Variants in TLR1 observed in about 807,000 individuals in gnomAD.
The protein encoded by TLR1 is toll like receptor 1.
In TLR1, 19 loss-of-function variants were observed where a neutral mutation model predicts 20.2. That is an observed-to-expected ratio of 0.94 (90% confidence interval 0.66 to 1.38). The LOEUF (loss-of-function observed/expected upper bound fraction) is 1.38, where lower values mean the gene tolerates loss of function less well. TLR1 is among the 40% of genes most tolerant of loss of function. The probability of loss-of-function intolerance (pLI) is 0.00; values close to 1 mark genes in which losing one functional copy is unlikely to be tolerated. For synonymous variants in TLR1, 320 were observed against 334.5 expected, an observed-to-expected ratio of 0.96 and a Z score of 0.47; for missense variants, 921 against 910.0, an observed-to-expected ratio of 1.01 and a Z score of -0.16.
At chr4:38,801,310 G>A (rs1726624942) in intron 2 of TLR1, among the ~76,000 whole-genome samples, 1 of 152,144 alleles carries the variant, frequency 6.6e-6, no homozygotes, top group African/African-American at 2.4e-5. Flanking sequence ...ACAAGAAGGA[G>A]GCATCCGCAA....
At chr4:38,804,231 A>G (rs1357462726) in intron 2 of TLR1, 75 bp downstream of exon 2, 1 of 152,254 alleles carries the variant, frequency 6.6e-6, no homozygotes, top group African/African-American at 2.4e-5. Context: ...CTAGCTCCCC[A>G]GAACAGTGTT....
intron 1 of TLR1, 31 bp downstream of exon 1, chr4:38,804,723 C>A (rs1370097675): frequency 6.6e-6 from 1 of 152,172 alleles, no homozygotes; most frequent in East Asian, 1.9e-4. Context: ...CAATTATTTT[C>A]TTTTACAAAA....
At chr4:38,804,921 A>T (rs969014796), upstream of TLR1, 4 of 152,236 alleles carry the variant, frequency 2.6e-5, no homozygotes, top group African/African-American at 9.6e-5. Flanking sequence ...ATAGTTAAGA[A>T]TAAACTTATT....
downstream of TLR1, chr4:38,794,528 T>C (rs1725906129): frequency 6.6e-6 from 1 of 152,122 alleles, no homozygotes; most frequent in African/African-American, 2.4e-5. Context: ...TAGGCCTGGG[T>C]ATACCTGCCT....
downstream of TLR1, among the ~76,000 whole-genome samples, chr4:38,789,570 C>T (rs548647118): frequency 6.6e-6 from 1 of 151,692 alleles, no homozygotes; most frequent in Admixed American, 6.6e-5. Context: ...TCAAGTGATT[C>T]TCATGTTTCA....
Position 38,798,618 on chromosome 4 carries a change from TCA to T in TLR1, c.212_213del (p.Leu71GlnfsTer8). ...CTATTATGAGAAATTATCAAAATCC[TCA>T]GTTTTGACAGTGATAAGATGTCAGA... ...WTSDILSLSKLRILIISHNRI... is the reference protein window; with the variant it reads ...WTSDILSLSKXRILIISHNRI... On this transcript the variant is annotated frameshift_variant, in exon 4 of 4. Coordinates refer to ENST00000308979, the MANE Select transcript of TLR1 (RefSeq NM_003263.4). LOFTEE classifies it low-confidence loss of function (END_TRUNC). 3.1e-6 allele frequency: 5 copies of T among 1,613,744 alleles called. No homozygotes were observed. Among genetic ancestry groups the T allele is most frequent in the Non-Finnish European group, 4.2e-6 (5 of 1,179,700 alleles).
In TLR1 at chr4:38,796,769, T is replaced by A. The variant is rs1726102543; in HGVS notation, c.2063A>T (p.Glu688Val). 1.2e-6 allele frequency: 2 copies of A among 1,614,052 alleles called. No individual in the cohort carries two copies. The highest frequency in any genetic ancestry group is 2.7e-5 in the African/African-American group (2 of 74,930). Residue 688 changes from glutamate (E) to valine (V), a missense_variant, in exon 4 of 4, where the codon GAG becomes GTG. Transcript: ENST00000308979. ...AACAAAGATGGACTTGTAACTCTTC[T>A]CAATGCAGGTGATGATATTTTCCAC... ...SIVENIITCI[E>V]KSYKSIFVLS...
At position 38,797,143 on chromosome 4, in the gene TLR1, T is replaced by G; in HGVS notation, c.1689A>C (p.Arg563Ser). ...SYKCDYPESY[R>S]GTLLKDFHMS... The stretch of plus-strand genomic sequence containing the variant: ...TGTGAAAGTCCTTTAGTAGGGTTCC[T>G]CTATAACTTTCCGGGTAGTCACACT... The change falls in exon 4 of 4, where the codon AGA (arginine) becomes AGC (serine). Residue 563 changes from arginine to serine, a missense_variant. By Grantham distance (110) the Arg-to-Ser change is moderately radical. Transcript: ENST00000308979. 6.2e-7 allele frequency: 1 copy of G among 1,614,256 alleles called. No homozygotes were observed. The highest frequency in any genetic ancestry group is 8.5e-7 in the Non-Finnish European group (1 of 1,180,050).
intron 2 of TLR1, among the ~76,000 whole-genome samples, chr4:38,802,789 G>A (rs1439044869): frequency 6.6e-6 from 1 of 152,218 alleles, no homozygotes; most frequent in Non-Finnish European, 1.5e-5. Flanking sequence ...TAGAGCGCAG[G>A]CGTATAACTC....
At chr4:38,793,167 G>C (rs761544903), downstream of TLR1, among the ~76,000 whole-genome samples, 1 of 152,080 alleles carries the variant, frequency 6.6e-6, no homozygotes, top group African/African-American at 2.4e-5. Context: ...GATGGGTGGG[G>C]TGTGCTCCCT....
At chr4:38,789,521 G>A (rs749440319), downstream of TLR1, among the ~76,000 whole-genome samples, 5 of 148,964 alleles carry the variant, frequency 3.4e-5, no homozygotes, top group African/African-American at 5.0e-5. Flanking sequence ...TAGCTCTGCC[G>A]CTCAGGCTAG....
downstream of TLR1, among the ~76,000 whole-genome samples, chr4:38,788,326 G>C (rs1180708271): frequency 6.6e-6 from 1 of 152,202 alleles, no homozygotes; most frequent in Non-Finnish European, 1.5e-5. Context: ...AAAGAGAAAA[G>C]AGTACAGACA....
chr4:38,798,224 T>C lies in TLR1; in HGVS notation c.608A>G (p.His203Arg), dbSNP rs776095032. 1.4e-5 allele frequency: 22 copies of C among 1,613,864 alleles called. No individual in the cohort carries two copies. Among genetic ancestry groups the C allele is most frequent in the Non-Finnish European group, 1.8e-5 (21 of 1,179,830 alleles). The change falls in exon 4 of 4, where the codon CAT (histidine) becomes CGT (arginine). Residue 203 changes from histidine (H) to arginine (R), a missense_variant. By Grantham distance (29) the His-to-Arg change is conservative. Transcript: ENST00000308979. ...CTTGACTGACACATCCAAAATAAAA[T>C]GGAATTCTTTGTTTGTGGGGAACAC... ...HIVFPTNKEF[H>R]FILDVSVKTV...
rs752174218 is a variant in TLR1, at chr4:38,798,241, G to T, written c.591C>A (p.Pro197=). The change falls in exon 4 of 4, where the codon CCC becomes CCA. Residue 197 remains proline, a synonymous_variant. Transcript: ENST00000308979. ...FNTESLHIVF[P]TNKEFHFILD... ...AAATAAAATGGAATTCTTTGTTTGT[G>T]GGGAACACAATGTGCAGACTCTCAG... is the stretch of plus-strand genomic sequence containing the variant. 56 of 1,613,216 alleles carry T rather than the reference G, an allele frequency of 3.5e-5. No homozygotes were observed. The highest frequency in any genetic ancestry group is 1.8e-4 in the East Asian group (8 of 44,886).
rs1382133348 is a variant in TLR1, at chr4:38,796,979, T to G, written c.1853A>C (p.Gln618Pro). 4 of 1,614,100 alleles carry G rather than the reference T, an allele frequency of 2.5e-6. No homozygotes were observed. In the East Asian group the frequency reaches 6.7e-5, roughly 27 times the overall value. Residue 618 changes from glutamine to proline, a missense_variant, in exon 4 of 4, where the codon CAG (glutamine) becomes CCG (proline). Coordinates refer to ENST00000308979, the MANE Select transcript of TLR1 (RefSeq NM_003263.4). ...WYLRMVCQWT[Q>P]TRRRARNIPL... ...TATGTTCCTGGCCCTGCGCCGGGTC[T>G]GGGTCCACTGGCACACCATCCTGAG...
At position 38,798,241 on chromosome 4, in the gene TLR1, G is replaced by C. The variant is rs752174218; in HGVS notation, c.591C>G (p.Pro197=). Residue 197 remains proline (P), a synonymous_variant, in exon 4 of 4, where the codon CCC becomes CCG. Transcript: ENST00000308979. ...FNTESLHIVF[P]TNKEFHFILD... ...AAATAAAATGGAATTCTTTGTTTGT[G>C]GGGAACACAATGTGCAGACTCTCAG... is the stretch of plus-strand genomic sequence containing the variant. The C allele has an allele frequency of 1.4e-5, 22 of 1,613,216 alleles. No individual in the cohort carries two copies. Among genetic ancestry groups the C allele is most frequent in the Non-Finnish European group, 1.9e-5 (22 of 1,179,744 alleles).
intron 2 of TLR1, among the ~76,000 whole-genome samples, chr4:38,802,750 G>C (rs1208344344): frequency 6.6e-6 from 1 of 152,206 alleles, no homozygotes; most frequent in African/African-American, 2.4e-5. Flanking sequence ...GATAGGCCAA[G>C]GTAAACATCC....
At chr4:38,793,319 C>A (rs140926920), downstream of TLR1, among the ~76,000 whole-genome samples, 2 of 152,104 alleles carry the variant, frequency 1.3e-5, no homozygotes, top group African/African-American at 4.8e-5. Context: ...TACTCTAAGA[C>A]TATATTTTAC....
rs777531342 is a variant in TLR1 at position 38,798,305 on chromosome 4, C to T, written c.527G>A (p.Gly176Glu). 2 of 1,613,068 alleles carry T rather than the reference C, an allele frequency of 1.2e-6. No individual in the cohort carries two copies. The highest frequency in any genetic ancestry group is 1.3e-5 in the African/African-American group (1 of 74,934). Reference protein sequence around the residue: ...KVLLVLGETYGEKEDPEGLQD... With the variant: ...KVLLVLGETYEEKEDPEGLQD... ...AAGGCCCTCAGGGTCTTCTTTTTCC[C>T]CATAAGTCTCTCCTAAGACCAGCAA... The change falls in exon 4 of 4, where the codon GGG becomes GAG. Residue 176 changes from glycine (G) to glutamate (E), a missense_variant. Gly to Glu is a moderately conservative substitution (Grantham distance 98). Transcript: ENST00000308979.
Sources: allele counts gnomAD v4.1 joint callset (sites outside exome capture counted in the v4.1 genomes callset), GRCh38; gene constraint gnomAD v4.1.1; transcripts MANE v1.5; gene names NCBI Gene and HGNC (gene_info 2026-07-23, HGNC 2026-07-21).